PPARGC1A: variants seen among roughly 807,000 people sequenced by gnomAD.
The protein encoded by PPARGC1A is peroxisome proliferator-activated receptor gamma coactivator 1-alpha.
A neutral mutation model predicts 88.7 loss-of-function variants in PPARGC1A; 25 were observed. The observed-to-expected ratio is 0.28, with a 90% CI of 0.21 to 0.39. The LOEUF is 0.39. Among genes scored for constraint, PPARGC1A ranks in the 10% least tolerant of loss-of-function variants. The pLI is 1.00. For synonymous variants in PPARGC1A, 363 were observed against 355.6 expected (o/e 1.02, Z -0.24); for missense variants, 880 against 968.7 (o/e 0.91, Z 1.22).
intron 1 of PPARGC1A, chr4:23,899,213 G>A (rs1196050034): frequency 6.6e-6 from 1 of 152,178 alleles, no homozygotes; most frequent in South Asian, 2.1e-4. Flanking sequence ...CTAAAAACAG[G>A]CCACACCTAA....
chr4:24,269,859 A>C, the PPARGC1A span, among the ~76,000 whole-genome samples: 2 of 152,184 alleles, frequency 1.3e-5, no homozygotes, highest in Non-Finnish European at 2.9e-5. Context: ...AAAGCTCTTA[A>C]ACTTCTGGGT....
At chr4:24,173,204 A>T in the PPARGC1A span, among the ~76,000 whole-genome samples, 10 of 152,072 alleles carry the variant, frequency 6.6e-5, 1 homozygote, top group Non-Finnish European at 1.3e-4. Context: ...TTGTTGAAGG[A>T]TTGGCCTAAA....
intron 2 of PPARGC1A, among the ~76,000 whole-genome samples, chr4:23,864,673 T>A (rs1048425596): frequency 2.0e-5 from 3 of 152,154 alleles, no homozygotes; most frequent in African/African-American, 7.2e-5. Context: ...GCTTGTGGTT[T>A]TAGGGGGAAA....
the PPARGC1A span, among the ~76,000 whole-genome samples, chr4:24,370,749 CTTTTTTTTTTTTTTTTTT>C: frequency 2.5e-4 from 16 of 62,868 alleles, no homozygotes; most frequent in Non-Finnish European, 3.9e-4. Flanking sequence ...CTGTCTCTCT[CTTTTTTTTTTTTTTTTTT>C]TTTTTTTTTT....
At chr4:23,831,498 A>C in intron 3 of PPARGC1A, 59 bp downstream of exon 3, 1 of 1,446,828 alleles carries the variant, frequency 6.9e-7, no homozygotes, top group Non-Finnish European at 9.7e-7. Flanking sequence ...CATCATACCC[A>C]TGCAGCGGGT....
rs771300889 is a variant in PPARGC1A at position 23,812,865 on chromosome 4, T to C, written c.1901A>G (p.Tyr634Cys). ...GTGCTGATATTCCTCGTAGCTGTCA[T>C]ACCTGGGAAACATAACTTTATCACT... ...SRSPYSRRPR[Y>C]DSYEEYQHER... The change falls in exon 10 of 13, where the codon TAT becomes TGT. Residue 634 changes from tyrosine (Y) to cysteine (C), a missense_variant and splice_region_variant. Physicochemically the swap from Tyr to Cys is radical, Grantham distance 194. Transcript: ENST00000264867. 6 of 1,613,902 alleles carry C rather than the reference T, an allele frequency of 3.7e-6. No homozygotes were observed. In the Admixed American group the frequency reaches 1.0e-4, roughly 27 times the overall value.
the PPARGC1A span, among the ~76,000 whole-genome samples, chr4:24,220,100 G>A: frequency 5.9e-5 from 9 of 152,218 alleles, no homozygotes; most frequent in African/African-American, 2.2e-4. Flanking sequence ...AGACATACGA[G>A]CAGCCAACAA....
chr4:24,080,112 G>T, the PPARGC1A span, among the ~76,000 whole-genome samples: 1 of 151,994 alleles, frequency 6.6e-6, no homozygotes, highest in Non-Finnish European at 1.5e-5. Context: ...GATTAGAATT[G>T]CATTAAATAT....
chr4:23,837,880 C>G (rs758735903), intron 2 of PPARGC1A, among the ~76,000 whole-genome samples: 1 of 152,086 alleles, frequency 6.6e-6, no homozygotes, highest in African/African-American at 2.4e-5. Flanking sequence ...AAACCTTGTA[C>G]CTGTTTCATG....
the PPARGC1A span, among the ~76,000 whole-genome samples, chr4:24,049,491 G>T: frequency 6.6e-6 from 1 of 151,654 alleles, no homozygotes; most frequent in Non-Finnish European, 1.5e-5. Context: ...AAATTTGTCG[G>T]GGAAAACGGG....
At chr4:23,907,556 T>A (rs183777722), upstream of PPARGC1A, among the ~76,000 whole-genome samples, 93 of 152,314 alleles carry the variant, frequency 6.1e-4, no homozygotes, top group African/African-American at 2.0e-3. Flanking sequence ...TCAATACCAC[T>A]AGTTAAGCTG....
the PPARGC1A span, among the ~76,000 whole-genome samples, chr4:24,344,412 C>CTT: frequency 1.2e-3 from 185 of 149,568 alleles, no homozygotes; most frequent in Non-Finnish European, 1.8e-3. Context: ...CCAACATCTA[C>CTT]TTTTTTTTTT....
the PPARGC1A span, among the ~76,000 whole-genome samples, chr4:24,104,677 C>T: frequency 6.6e-6 from 1 of 152,006 alleles, no homozygotes; most frequent in African/African-American, 2.4e-5. Flanking sequence ...GTGAATCAGA[C>T]AATAAAGACA....
the PPARGC1A span, among the ~76,000 whole-genome samples, chr4:24,077,632 T>G: frequency 1.5e-5 from 2 of 130,806 alleles, no homozygotes; most frequent in African/African-American, 6.6e-5. Context: ...GGGGTGTGTG[T>G]GTGTGTGTGT....
intron 10 of PPARGC1A, among the ~76,000 whole-genome samples, chr4:23,809,757 A>G (rs1197980017): frequency 1.3e-5 from 2 of 152,142 alleles, no homozygotes; most frequent in Non-Finnish European, 2.9e-5. Context: ...AGTGCATCTT[A>G]ATATGGCCCA....
the PPARGC1A span, chr4:24,091,325 G>GGACACTACCCATGACTAT: frequency 1.9e-6 from 1 of 514,272 alleles, no homozygotes; most frequent in Non-Finnish European, 2.5e-6. Context: ...GCAAAGACGT[G>GGACACTACCCATGACTAT]GACACTACCC....
At chr4:24,098,810 C>T in the PPARGC1A span, among the ~76,000 whole-genome samples, 1 of 152,148 alleles carries the variant, frequency 6.6e-6, no homozygotes, top group Non-Finnish European at 1.5e-5. Flanking sequence ...GTCTAAATTA[C>T]TTTGACATGT....
chr4:23,839,724 C>T (rs1242569667), intron 2 of PPARGC1A, among the ~76,000 whole-genome samples: 3 of 152,154 alleles, frequency 2.0e-5, no homozygotes, highest in East Asian at 3.9e-4. Flanking sequence ...CACAGTTCCA[C>T]GTGGGTGGGA....
In PPARGC1A at chr4:23,813,780, C is replaced by T. The variant is rs767722215; in HGVS notation, c.1703G>A (p.Arg568His). ...CCTGTGTCGAGAAAAGGACCTTGAA[C>T]GAGAGCGCATCCTTTGGGGTCTTTG... is the stretch of plus-strand genomic sequence containing the variant. ...FSQRPQRMRS[R>H]SRSFSRHRSC... The change falls in exon 8 of 13, where the codon CGT becomes CAT. Residue 568 changes from arginine (R) to histidine (H), a missense_variant. Arg to His is a conservative substitution (Grantham distance 29, BLOSUM62 0). Coordinates refer to ENST00000264867, the MANE Select transcript of PPARGC1A (RefSeq NM_013261.5). The T allele has an allele frequency of 2.0e-5, 33 of 1,613,234 alleles. No individual in the cohort carries two copies. Among genetic ancestry groups the T allele is most frequent in the Non-Finnish European group, 2.5e-5 (29 of 1,179,376 alleles).
Sources: allele counts gnomAD v4.1 joint callset (sites outside exome capture counted in the v4.1 genomes callset), GRCh38; gene constraint gnomAD v4.1.1; transcripts MANE v1.5; gene names NCBI Gene and HGNC (gene_info 2026-07-23, HGNC 2026-07-21).